Variants in IQGAP2 observed in about 807,000 individuals in gnomAD.
The protein encoded by IQGAP2 is ras GTPase-activating-like protein IQGAP2.
Under a neutral mutation model 201.3 loss-of-function variants are expected in IQGAP2, and 173 were observed. The observed-to-expected ratio is 0.86, with a 90% CI of 0.76 to 0.98. The LOEUF (loss-of-function observed/expected upper bound fraction) is 0.98, where lower values mean the gene tolerates loss of function less well. IQGAP2 is among the 50% of genes least tolerant of loss of function. The probability of loss-of-function intolerance (pLI) is 0.00; values close to 1 mark genes in which losing one functional copy is unlikely to be tolerated. For missense variants in IQGAP2, 1,687 were observed against 1,864.8 expected (o/e 0.90, Z 1.76); for synonymous variants, 675 against 673.9 (o/e 1.00, Z -0.03).
intron 14 of IQGAP2, 43 bp downstream of exon 14, chr5:76,627,543 A>G (rs1489841616): frequency 9.1e-7 from 1 of 1,093,564 alleles, no homozygotes; most frequent in Non-Finnish European, 1.4e-6. Flanking sequence ...GCCTTTTTGG[A>G]TTTGGTTATG....
Position 76,631,943 on chromosome 5 carries a change from C to G in IQGAP2, c.1697C>G (p.Ser566Cys). ...TTGTCTGTATTGAAGTCTTCCACTT[C>G]TAATGCAAATGACATAATCCCGGAG... ...DILSVLKSST[S>C]NANDIIPECA... is the part of the protein sequence containing the mutation. The change falls in exon 15 of 36, where the codon TCT becomes TGT. Residue 566 changes from serine (S) to cysteine (C), a missense_variant. Ser to Cys is a moderately radical substitution (Grantham distance 112). Coordinates refer to ENST00000274364, the MANE Select transcript of IQGAP2 (RefSeq NM_006633.5). 6.2e-7 allele frequency: 1 copy of G among 1,612,666 alleles called. No individual in the cohort carries two copies. Among genetic ancestry groups the G allele is most frequent in the African/African-American group, 1.3e-5 (1 of 74,972 alleles).
At position 76,654,965 on chromosome 5, in the gene IQGAP2, TGA is replaced by T. The variant is rs1561555572; in HGVS notation, c.2286_2287del (p.Arg762SerfsTer5). On this transcript the variant is annotated frameshift_variant, in exon 20 of 36. Transcript: ENST00000274364. LOFTEE classifies it high-confidence loss of function. ...GAAATTGTGAAAATACAGTCACTGT[TGA>T]GAGCGAACAAAGCTAGAGATGACTA... The T allele has an allele frequency of 1.9e-6, 3 of 1,613,134 alleles. No homozygotes were observed. The South Asian group carries it at 3.3e-5, about 18-fold the overall frequency.
rs534837719 is a variant in IQGAP2 at position 76,472,317 on chromosome 5, A to G, written c.146+10648A>G. 2.0e-5 allele frequency among the ~76,000 whole-genome samples: 3 copies of G among 152,288 alleles called. No homozygotes were observed. The East Asian group carries it at 5.8e-4, about 29-fold the overall frequency. ...GGTGATCTCCGTGGCACAGGAATAG[A>G]CGTGATCCCAGCCAGCCCTACCTGC... On this transcript the variant is annotated intron_variant, in intron 2 of 35. Coordinates refer to ENST00000274364, the MANE Select transcript of IQGAP2 (RefSeq NM_006633.5).
At chr5:76,625,046 C>G (rs527782616) in intron 13 of IQGAP2, among the ~76,000 whole-genome samples, 1 of 152,236 alleles carries the variant, frequency 6.6e-6, no homozygotes, top group East Asian at 1.9e-4. Flanking sequence ...GAGCAACACT[C>G]CATCTCAAAA....
At chr5:76,507,484 T>C (rs1039385600) in intron 2 of IQGAP2, among the ~76,000 whole-genome samples, 15 of 152,170 alleles carry the variant, frequency 9.9e-5, no homozygotes, top group African/African-American at 3.6e-4. Context: ...AGGTTTGGCA[T>C]TGACGTTATG....
rs1747349674 is a variant in IQGAP2, at chr5:76,701,157, A to G, written c.4449A>G (p.Ala1483=). The part of the protein sequence containing the change: ...AKRAKPVKYT[A]AKLHEKGVLL... ...GAGCGAAGCCAGTGAAGTACACTGCAGCAAAGCTGCATGAGAAAGGTGTCC... is the reference window on the plus strand; with the variant it reads ...GAGCGAAGCCAGTGAAGTACACTGCGGCAAAGCTGCATGAGAAAGGTGTCC... Residue 1483 remains alanine (A), a synonymous_variant, in exon 34 of 36, where the codon GCA becomes GCG. Coordinates refer to ENST00000274364, the MANE Select transcript of IQGAP2 (RefSeq NM_006633.5). 6.2e-7 allele frequency: 1 copy of G among 1,614,242 alleles called. No homozygotes were observed. The highest frequency in any genetic ancestry group is 8.5e-7 in the Non-Finnish European group (1 of 1,180,004).
chr5:76,439,545 A>C (rs1752913195), intron 1 of IQGAP2, among the ~76,000 whole-genome samples: 3 of 152,230 alleles, frequency 2.0e-5, no homozygotes, highest in East Asian at 3.9e-4. Context: ...ACATATGTTT[A>C]GGTGGTAATA....
At chr5:76,406,564 T>A (rs1294921361) in intron 1 of IQGAP2, among the ~76,000 whole-genome samples, 2 of 152,244 alleles carry the variant, frequency 1.3e-5, no homozygotes, top group Admixed American at 6.5e-5. Flanking sequence ...AGATGACACT[T>A]ACGCTTAGGT....
intron 2 of IQGAP2, among the ~76,000 whole-genome samples, chr5:76,551,120 C>T (rs1347638275): frequency 3.3e-5 from 5 of 150,108 alleles, no homozygotes; most frequent in Non-Finnish European, 7.4e-5. Flanking sequence ...GGGCTCCTCA[C>T]TTCTCAGATG....
intron 1 of IQGAP2, among the ~76,000 whole-genome samples, chr5:76,428,665 T>C (rs1363785501): frequency 6.7e-6 from 1 of 148,682 alleles, no homozygotes; most frequent in Non-Finnish European, 1.5e-5. Flanking sequence ...ACTCCTGACC[T>C]CAAGTGATCC....
chr5:76,501,975 C>T (rs2150169791), intron 2 of IQGAP2, among the ~76,000 whole-genome samples: 1 of 152,272 alleles, frequency 6.6e-6, no homozygotes, highest in Non-Finnish European at 1.5e-5. Context: ...TACAGTTGTG[C>T]ATCTGTGATT....
intron 21 of IQGAP2, among the ~76,000 whole-genome samples, chr5:76,659,247 G>A (rs942034062): frequency 1.3e-5 from 2 of 152,142 alleles, no homozygotes; most frequent in African/African-American, 4.8e-5. Context: ...ATGTACTGAT[G>A]TATATACCTT....
At chr5:76,602,532 G>A (rs1747497601) in intron 11 of IQGAP2, among the ~76,000 whole-genome samples, 1 of 151,976 alleles carries the variant, frequency 6.6e-6, no homozygotes, top group African/African-American at 2.4e-5. Flanking sequence ...ACCTACAGAT[G>A]GAGCCTCACA....
rs200043996 is a variant in IQGAP2 at position 76,666,656 on chromosome 5, TC to T, written c.2679+1482del. On this transcript the variant is annotated intron_variant, in intron 22 of 35. Transcript: ENST00000274364. ...TCATATATTTTTCTTCTCCTTCTCTTCTTTTGAGGCGTTAGCCCAATATCAC... is the reference window on the plus strand; with the variant it reads ...TCATATATTTTTCTTCTCCTTCTCTTTTTTGAGGCGTTAGCCCAATATCAC... 5.4e-3 allele frequency among the ~76,000 whole-genome samples: 816 copies of T among 152,368 alleles called. 3 individuals carry two copies. Among genetic ancestry groups the T allele is most frequent in the Admixed American group, 0.011 (175 of 15,312 alleles).
At chr5:76,587,024 A>G (rs962778254) in intron 5 of IQGAP2, among the ~76,000 whole-genome samples, 1 of 152,232 alleles carries the variant, frequency 6.6e-6, no homozygotes, top group Admixed American at 6.5e-5. Context: ...AGGAAGGCCC[A>G]AAGATATGGT....
At chr5:76,422,423 C>T (rs1183350321) in intron 1 of IQGAP2, among the ~76,000 whole-genome samples, 1 of 152,202 alleles carries the variant, frequency 6.6e-6, no homozygotes, top group Non-Finnish European at 1.5e-5. Flanking sequence ...CATTCTTCCA[C>T]TCCTTCATTG....
At chr5:76,546,353 C>T (rs369359739) in intron 2 of IQGAP2, among the ~76,000 whole-genome samples, 4 of 152,066 alleles carry the variant, frequency 2.6e-5, no homozygotes, top group Admixed American at 6.6e-5. Flanking sequence ...GGAGAATCCT[C>T]GAACCTGGGA....
rs1754246458 is a variant in IQGAP2 at position 76,458,754 on chromosome 5, A to G, written c.47-2816A>G. ...ATTGAACATTAGTTGAGTAAAGTCC[A>G]CAGAATGGTGCTATCTTTGCTCCAT... On this transcript the variant is annotated intron_variant, in intron 1 of 35. Transcript: ENST00000274364. Among the ~76,000 whole-genome samples the G allele has an allele frequency of 2.6e-5, 4 of 152,244 alleles. No homozygotes were observed. The South Asian group carries it at 8.3e-4, about 32-fold the overall frequency.
At chr5:76,475,441 AT>A (rs1431443365) in intron 2 of IQGAP2, among the ~76,000 whole-genome samples, 1 of 152,178 alleles carries the variant, frequency 6.6e-6, no homozygotes, top group East Asian at 1.9e-4. Context: ...AAAATACAGC[AT>A]TTTGACATTC....
Sources: gnomAD v4.1 joint callset for allele counts (sites outside exome capture counted in the v4.1 genomes callset) on GRCh38, gnomAD v4.1.1 for gene constraint, MANE v1.5 for transcripts, NCBI Gene and HGNC (gene_info 2026-07-23, HGNC 2026-07-21) for gene names.